Variants in IQUB observed in about 807,000 individuals in gnomAD.
IQUB encodes IQ motif and ubiquitin domain containing, also known as IQ motif and ubiquitin-like domain-containing protein.
A neutral mutation model predicts 86.4 loss-of-function variants in IQUB; 86 were observed. That is an observed-to-expected ratio of 1.00 (90% confidence interval 0.84 to 1.19). The LOEUF (loss-of-function observed/expected upper bound fraction) is 1.19, where lower values mean the gene tolerates loss of function less well. Among genes scored for constraint, IQUB ranks in the 50% most tolerant of loss-of-function variants. The probability of loss-of-function intolerance (pLI) is 0.00; values close to 1 mark genes in which losing one functional copy is unlikely to be tolerated. For missense variants in IQUB, 946 were observed against 916.9 expected (o/e 1.03, Z -0.41); for synonymous variants, 289 against 304.5 (o/e 0.95, Z 0.53).
chr7:123,480,917 A>G (rs745936703), intron 7 of IQUB, among the ~76,000 whole-genome samples: 13 of 152,266 alleles, frequency 8.5e-5, no homozygotes, highest in African/African-American at 1.9e-4. Context: ...AAATAAATCA[A>G]AATTTCCAAG....
At chr7:123,527,605 G>A (rs1056325071) in intron 1 of IQUB, among the ~76,000 whole-genome samples, 3 of 147,278 alleles carry the variant, frequency 2.0e-5, no homozygotes, top group Non-Finnish European at 4.4e-5. Flanking sequence ...CTGCTGGGGG[G>A]TGCCTCCCAG....
chr7:123,502,969 A>G lies in IQUB; in HGVS notation c.842T>C (p.Leu281Pro). ...QTVPKRIPER[L>P]SIFCRDTQTV... The stretch of plus-strand genomic sequence containing the variant: ...CTGCGTATCCCTACAAAATATACTG[A>G]GTCTTTCGGGAATCCTTTTAGGTAC... The change falls in exon 5 of 13, where the codon CTC (leucine) becomes CCC (proline). Residue 281 changes from leucine (L) to proline (P), a missense_variant. Transcript: ENST00000324698. The G allele has an allele frequency of 6.2e-7, 1 of 1,611,966 alleles. No individual in the cohort carries two copies. The highest frequency in any genetic ancestry group is 1.1e-5 in the South Asian group (1 of 90,830).
At chr7:123,489,955 A>G (rs1795384813) in intron 7 of IQUB, among the ~76,000 whole-genome samples, 1 of 152,018 alleles carries the variant, frequency 6.6e-6, no homozygotes, top group East Asian at 1.9e-4. Flanking sequence ...TAGTAAACAG[A>G]TAAGTATAAA....
chr7:123,518,343 A>T (rs900360825), intron 1 of IQUB, among the ~76,000 whole-genome samples: 2 of 152,170 alleles, frequency 1.3e-5, no homozygotes, highest in Non-Finnish European at 2.9e-5. Flanking sequence ...AAAATCCATT[A>T]TTCTCACAGC....
At chr7:123,488,687 C>T (rs761300196) in intron 7 of IQUB, among the ~76,000 whole-genome samples, 2 of 152,190 alleles carry the variant, frequency 1.3e-5, no homozygotes, top group Non-Finnish European at 2.9e-5. Flanking sequence ...AAAGAGCAAT[C>T]AGTATGAGGC....
At chr7:123,492,769 A>G in intron 7 of IQUB, among the ~76,000 whole-genome samples, 1 of 152,048 alleles carries the variant, frequency 6.6e-6, no homozygotes, top group East Asian at 1.9e-4. Flanking sequence ...AGATGATTCA[A>G]ACTCACCATC....
chr7:123,503,337 G>T lies in IQUB; in HGVS notation c.559C>A (p.Leu187Ile). 1 of 1,541,400 alleles carries T rather than the reference G, an allele frequency of 6.5e-7. No individual in the cohort carries two copies. Among genetic ancestry groups the T allele is most frequent in the Non-Finnish European group, 8.7e-7 (1 of 1,144,424 alleles). The change falls in exon 4 of 13, where the codon CTA (leucine) becomes ATA (isoleucine). Residue 187 changes from leucine (L) to isoleucine (I), a missense_variant. Physicochemically the swap from Leu to Ile is conservative, Grantham distance 5. Coordinates refer to ENST00000324698, the MANE Select transcript of IQUB (RefSeq NM_178827.5). ...SGKILKNNET[L>I]VQHGVKPQEI... ...TGTGGCTTAACTCCATGTTGTACTA[G>T]AGTCTCATTATTTTTAAGAATTTTT...
intron 1 of IQUB, among the ~76,000 whole-genome samples, chr7:123,528,853 A>C (rs1260734954): frequency 1.3e-5 from 2 of 152,230 alleles, no homozygotes; most frequent in Non-Finnish European, 2.9e-5. Context: ...ACAAGGAGCT[A>C]ATTTTATTGG....
In IQUB at chr7:123,466,862, T is replaced by C. The variant is rs188831973; in HGVS notation, c.1582-1853A>G. Among the ~76,000 whole-genome samples the C allele has an allele frequency of 7.9e-5, 12 of 152,286 alleles. No homozygotes were observed. The East Asian group carries it at 2.3e-3, about 29-fold the overall frequency. On this transcript the variant is annotated intron_variant, in intron 9 of 12. Coordinates refer to ENST00000324698, the MANE Select transcript of IQUB (RefSeq NM_178827.5). The stretch of plus-strand genomic sequence containing the variant: ...CTATATGTTCTGGCAATCTGGGCCA[T>C]ATCGATGACCAAAATAGACTGACCA...
In IQUB at chr7:123,503,298, C is replaced by T; in HGVS notation, c.598G>A (p.Val200Met). 3 of 1,603,784 alleles carry T rather than the reference C, an allele frequency of 1.9e-6. No homozygotes were observed. The highest frequency in any genetic ancestry group is 2.6e-6 in the Non-Finnish European group (3 of 1,171,496). Residue 200 changes from valine to methionine, a missense_variant, in exon 4 of 13, where the codon GTG (valine) becomes ATG (methionine). Transcript: ENST00000324698. ...TCTGGATTTGTAGAAAAGATTTCCA[C>T]TTGTACAATTTCCTGTGGCTTAACT... ...HGVKPQEIVQ[V>M]EIFSTNPDLY...
At chr7:123,466,135 CA>C (rs1470133558) in intron 9 of IQUB, among the ~76,000 whole-genome samples, 1 of 151,970 alleles carries the variant, frequency 6.6e-6, no homozygotes, top group African/African-American at 2.4e-5. Context: ...ACTAATTTTA[CA>C]AATGACAAAA....
At chr7:123,496,633 ATC>A (rs1795717237) in intron 7 of IQUB, 61 bp downstream of exon 7, 10 of 986,272 alleles carry the variant, frequency 1.0e-5, no homozygotes, top group Non-Finnish European at 8.7e-6. Flanking sequence ...TCTGCAGTAA[ATC>A]TGTTTTTCCT....
rs572675145 is a variant in IQUB, at chr7:123,469,466, C to T, written c.1411-82G>A. The T allele has an allele frequency of 1.9e-5, 13 of 696,654 alleles. No homozygotes were observed. In the East Asian group the frequency reaches 3.3e-4, roughly 18 times the overall value. The allele number at this position is 696,654 out of a possible 1,614,324, so 43.2% of individuals were successfully genotyped here. Reference sequence around the variant, plus strand: ...TTTTGCTCCTTCTACTAAAAGTCTACCTTAATATCATGTGCTTTATAACTA... The same window carrying T: ...TTTTGCTCCTTCTACTAAAAGTCTATCTTAATATCATGTGCTTTATAACTA... On this transcript the variant is annotated intron_variant, in intron 8 of 12. Coordinates refer to ENST00000324698, the MANE Select transcript of IQUB (RefSeq NM_178827.5).
At chr7:123,475,101 A>G (rs564970116) in intron 8 of IQUB, among the ~76,000 whole-genome samples, 1 of 152,304 alleles carries the variant, frequency 6.6e-6, no homozygotes, top group East Asian at 1.9e-4. Flanking sequence ...ATTTAGTCAC[A>G]TAACTAAAGA....
At chr7:123,533,108 A>G (rs1797622526) in intron 1 of IQUB, among the ~76,000 whole-genome samples, 1 of 152,216 alleles carries the variant, frequency 6.6e-6, no homozygotes, top group South Asian at 2.1e-4. Context: ...CGACATGGGA[A>G]GTCCGCCGGA....
At chr7:123,511,533 G>T (rs562377231) in intron 2 of IQUB, among the ~76,000 whole-genome samples, 1 of 152,224 alleles carries the variant, frequency 6.6e-6, no homozygotes, top group Non-Finnish European at 1.5e-5. Flanking sequence ...CACTGGATAC[G>T]AAACTAGAAA....
chr7:123,522,591 A>G (rs1312843103), intron 1 of IQUB, among the ~76,000 whole-genome samples: 1 of 152,234 alleles, frequency 6.6e-6, no homozygotes, highest in Non-Finnish European at 1.5e-5. Context: ...AATAAATGTT[A>G]GCTAATTAGT....
chr7:123,525,877 A>G (rs28816387), intron 1 of IQUB, among the ~76,000 whole-genome samples: 34,364 of 141,052 alleles, frequency 0.24, 4,296 homozygotes, highest in East Asian at 0.3. Flanking sequence ...CTTTGAATGC[A>G]TCCCAGAGAT....
chr7:123,527,365 C>T (rs896276567), intron 1 of IQUB, among the ~76,000 whole-genome samples: 16 of 152,208 alleles, frequency 1.1e-4, no homozygotes, highest in Admixed American at 2.0e-4. Flanking sequence ...TGAGGAACTG[C>T]GTTCCTCTGG....
Sources: gnomAD v4.1 joint callset for allele counts (sites outside exome capture counted in the v4.1 genomes callset) on GRCh38, gnomAD v4.1.1 for gene constraint, MANE v1.5 for transcripts, NCBI Gene and HGNC (gene_info 2026-07-23, HGNC 2026-07-21) for gene names.